NHLRC3: variants seen among roughly 807,000 people sequenced by gnomAD.
NHLRC3 encodes NHL repeat containing 3, also known as NHL repeat-containing protein 3.
NHLRC3 carries 23 observed loss-of-function variants against 32.0 expected under a neutral mutation model. The ratio of observed to expected loss-of-function variants is 0.72; its 90% CI spans 0.52 to 1.02. The LOEUF is 1.02. Ranked by LOEUF, NHLRC3 falls within the 50% of genes least tolerant of loss-of-function variation. NHLRC3 has a pLI of 0.00. For synonymous variants in NHLRC3, 159 were observed against 147.9 expected, an observed-to-expected ratio of 1.08 and a Z score of -0.55; for missense variants, 407 against 406.8, an observed-to-expected ratio of 1.00 and a Z score of -0.01.
intron 4 of NHLRC3, 72 bp downstream of exon 4, chr13:39,042,377 G>A: frequency 3.1e-6 from 3 of 965,692 alleles, no homozygotes; most frequent in Non-Finnish European, 4.7e-6. Flanking sequence ...TTGGTATAAT[G>A]TTTTAAGTGT....
chr13:39,046,073 T>C (rs1338826897), intron 5 of NHLRC3, among the ~76,000 whole-genome samples: 1 of 152,178 alleles, frequency 6.6e-6, no homozygotes, highest in African/African-American at 2.4e-5. Context: ...CTCACGCTTG[T>C]AATCCCAGCA....
Position 39,047,842 on chromosome 13 carries a change from A to C in NHLRC3, c.960A>C (p.Gly320=). Residue 320 remains glycine, a synonymous_variant, in exon 7 of 7, where the codon GGA becomes GGC. Coordinates refer to ENST00000379600, the MANE Select transcript of NHLRC3 (RefSeq NM_001012754.4). ...PHLLEVDRKT[G]AVYVAEIGAK... is the part of the protein sequence containing the mutation. ...TCCTAGAAGTCGACAGAAAGACTGGAGCAGTCTATGTAGCAGAAATTGGAG... is the reference window on the plus strand; with the variant it reads ...TCCTAGAAGTCGACAGAAAGACTGGCGCAGTCTATGTAGCAGAAATTGGAG... The C allele has an allele frequency of 6.2e-7, 1 of 1,613,792 alleles. No homozygotes were observed. The highest frequency in any genetic ancestry group is 8.5e-7 in the Non-Finnish European group (1 of 1,179,662).
At chr13:39,044,382 T>C (rs1340789874) in intron 5 of NHLRC3, 1 of 526,330 alleles carries the variant, frequency 1.9e-6, no homozygotes, top group East Asian at 3.1e-5. Flanking sequence ...ACACATACTT[T>C]CTTACAAGTG....
rs569392016 is a variant in NHLRC3 at position 39,048,607 on chromosome 13, A to C, written c.*681A>C. 1 of 152,350 alleles carries C rather than the reference A, an allele frequency of 6.6e-6. No individual in the cohort carries two copies. Among genetic ancestry groups the C allele is most frequent in the East Asian group, 1.9e-4 (1 of 5,180 alleles). 9.4% of individuals were successfully genotyped at this position (152,350 alleles called of 1,614,324 possible). Reference sequence around the variant, plus strand: ...ACTGAGGAGGAGCTTACCAAGGGACAAGGAGGAGAAAACAATAATTTCCAA... The same window carrying C: ...ACTGAGGAGGAGCTTACCAAGGGACCAGGAGGAGAAAACAATAATTTCCAA... On this transcript the variant is annotated 3_prime_UTR_variant, in exon 7 of 7. Coordinates refer to ENST00000379600, the MANE Select transcript of NHLRC3 (RefSeq NM_001012754.4).
chr13:39,039,071 C>T, intron 1 of NHLRC3, 65 bp from the exon 2 acceptor site: 1 of 781,912 alleles, frequency 1.3e-6, no homozygotes, highest in South Asian at 1.5e-5. Context: ...TACCCGGCCC[C>T]CCCGCCCTTT....
upstream of NHLRC3, chr13:39,038,440 G>A (rs1479705578): frequency 5.0e-6 from 3 of 597,078 alleles, no homozygotes; most frequent in African/African-American, 3.7e-5. Flanking sequence ...TCCGGAACTG[G>A]TCTTCTGTGA....
intron 1 of NHLRC3, 74 bp from the exon 2 acceptor site, chr13:39,039,062 A>AGCCCGGCCCCCCCC: frequency 1.9e-6 from 1 of 523,988 alleles, no homozygotes. Context: ...AAGCCCTGTT[A>AGCCCGGCCCCCCCC]CCCGGCCCCC....
intron 3 of NHLRC3, 155 bp downstream of exon 3, chr13:39,039,866 C>T (rs542650243): frequency 5.0e-6 from 3 of 596,600 alleles, no homozygotes; most frequent in South Asian, 2.5e-5. Flanking sequence ...TTATTTTGTA[C>T]TTCTGTGGAA....
intron 5 of NHLRC3, among the ~76,000 whole-genome samples, chr13:39,046,109 CACGAGGTCAGGAGATCGAG>C (rs1871662850): frequency 6.6e-6 from 1 of 152,062 alleles, no homozygotes; most frequent in Admixed American, 6.5e-5. Flanking sequence ...GTGGGCAGAT[CACGAGGTCAGGAGATCGAG>C]ACCATGGTGA....
rs200562270 is a variant in NHLRC3 at position 39,042,140 on chromosome 13, T to G, written c.421T>G (p.Phe141Val). ...TCATACTGTTAAAAAATACAGTTCT[T>G]TTGGTGATCTTGTTCAAGTCTTGGG... ...FGHTVKKYSS[F>V]GDLVQVLGTP... The change falls in exon 4 of 7, where the codon TTT (phenylalanine) becomes GTT (valine). Residue 141 changes from phenylalanine (F) to valine (V), a missense_variant. Transcript: ENST00000379600. 1.7e-4 allele frequency: 272 copies of G among 1,610,718 alleles called. 1 individual carries two copies. Among genetic ancestry groups the G allele is most frequent in the Non-Finnish European group, 2.3e-5 (27 of 1,177,188 alleles).
chr13:39,042,990 CTTAT>C (rs1458875385), intron 4 of NHLRC3, among the ~76,000 whole-genome samples: 3 of 152,050 alleles, frequency 2.0e-5, no homozygotes, highest in African/African-American at 4.8e-5. Flanking sequence ...TTTCTGAAGT[CTTAT>C]TTGAGGATTA....
chr13:39,038,491 G>A lies in NHLRC3; in HGVS notation c.-149G>A. On this transcript the variant is annotated 5_prime_UTR_variant, in exon 1 of 7. Coordinates refer to ENST00000379600, the MANE Select transcript of NHLRC3 (RefSeq NM_001012754.4). ...GTCTCTGTTCCCTTTCGTACTCAAA[G>A]CTCGTGCATCCAGGGAGGGGAAACC... The A allele has an allele frequency of 2.9e-6, 2 of 687,202 alleles. No individual in the cohort carries two copies. Among genetic ancestry groups the A allele is most frequent in the South Asian group, 1.7e-5 (1 of 59,658 alleles). The allele number at this position is 687,202 out of a possible 1,614,324, so 42.6% of individuals were successfully genotyped here. A position where few individuals can be genotyped will look rare whatever the true frequency, so the allele number is the denominator to read the frequency against.
At chr13:39,046,495 T>C (rs1335030366) in intron 5 of NHLRC3, among the ~76,000 whole-genome samples, 1 of 152,174 alleles carries the variant, frequency 6.6e-6, no homozygotes, top group African/African-American at 2.4e-5. Context: ...CTAAAATACC[T>C]CAGGCTTCTT....
At chr13:39,045,247 G>T (rs1593553474) in intron 5 of NHLRC3, among the ~76,000 whole-genome samples, 1 of 152,124 alleles carries the variant, frequency 6.6e-6, no homozygotes, top group East Asian at 1.9e-4. Flanking sequence ...TATAAATTGG[G>T]AACTGGAAAC....
Position 39,038,536 on chromosome 13 carries a change from C to A in NHLRC3, c.-104C>A. The stretch of plus-strand genomic sequence containing the variant: ...GAAACCGGAGATAGGGTCTTCGGGC[C>A]CCGGGCAGACCCTCTGTGCCGCTGC... On this transcript the variant is annotated 5_prime_UTR_variant, in exon 1 of 7. Transcript: ENST00000379600. The A allele has an allele frequency of 4.2e-6, 4 of 945,526 alleles. No homozygotes were observed. The highest frequency in any genetic ancestry group is 6.9e-6 in the Non-Finnish European group (4 of 578,256). 58.6% of individuals were successfully genotyped at this position (945,526 alleles called of 1,614,324 possible). A position where few individuals can be genotyped will look rare whatever the true frequency, so the allele number is the denominator to read the frequency against.
chr13:39,048,147 T>TA lies in NHLRC3; in HGVS notation c.*227dup, dbSNP rs1257586866. On this transcript the variant is annotated 3_prime_UTR_variant, in exon 7 of 7. Coordinates refer to ENST00000379600, the MANE Select transcript of NHLRC3 (RefSeq NM_001012754.4). ...GATATTTTAATGAAAGGAAAGTAAC[T>TA]AAAAAATGGGGTTGGGAAGAGGGAC... The TA allele has an allele frequency of 1.2e-5, 5 of 417,838 alleles. No homozygotes were observed. Among genetic ancestry groups the TA allele is most frequent in the African/African-American group, 2.0e-5 (1 of 50,200 alleles). The allele number at this position is 417,838 out of a possible 1,614,324, so 25.9% of individuals were successfully genotyped here. A position where few individuals can be genotyped will look rare whatever the true frequency, so the allele number is the denominator to read the frequency against.
chr13:39,039,307 A>G lies in NHLRC3; in HGVS notation c.237+19A>G, dbSNP rs759472747. ...AGGTCAAGTAAGTAAATAGAGATTT[A>G]AAAAAATTATGAACACAAAGGAAGT... On this transcript the variant is annotated intron_variant, in intron 2 of 6. Transcript: ENST00000379600. 1 of 1,591,148 alleles carries G rather than the reference A, an allele frequency of 6.3e-7. No individual in the cohort carries two copies.
At chr13:39,040,964 T>C (rs1871445470) in intron 3 of NHLRC3, 1 of 152,234 alleles carries the variant, frequency 6.6e-6, no homozygotes, top group Non-Finnish European at 1.5e-5. Flanking sequence ...TGAGAGTCTA[T>C]TTTCACTTTT....
At chr13:39,046,561 T>C (rs1159232057) in intron 5 of NHLRC3, among the ~76,000 whole-genome samples, 1 of 152,218 alleles carries the variant, frequency 6.6e-6, no homozygotes, top group African/African-American at 2.4e-5. Context: ...GGTTTAATGA[T>C]ACTGCAATCT....
Sources: gnomAD v4.1 joint callset for allele counts (sites outside exome capture counted in the v4.1 genomes callset) on GRCh38, gnomAD v4.1.1 for gene constraint, MANE v1.5 for transcripts, NCBI Gene and HGNC (gene_info 2026-07-23, HGNC 2026-07-21) for gene names.